Variants in TACC2 observed in about 807,000 individuals in gnomAD.
TACC2 encodes transforming acidic coiled-coil-containing protein 2.
Under a neutral mutation model 227.3 loss-of-function variants are expected in TACC2, and 137 were observed. That is an observed-to-expected ratio of 0.60 (90% confidence interval 0.52 to 0.69). TACC2 has a LOEUF of 0.69. Ranked by LOEUF, TACC2 falls within the 30% of genes least tolerant of loss-of-function variation. The pLI, the probability that TACC2 is intolerant of heterozygous loss-of-function variation, is 0.00. For synonymous variants in TACC2, 1,523 were observed against 1,487.5 expected (o/e 1.02, Z -0.55); for missense variants, 3,470 against 3,694.4 (o/e 0.94, Z 1.57).
Position 122,254,069 on chromosome 10 carries a change from T to A in TACC2, c.*13T>A. On this transcript the variant is annotated 3_prime_UTR_variant, in exon 23 of 23. Coordinates refer to ENST00000369005, the MANE Select transcript of TACC2 (RefSeq NM_206862.4). ...GGGGAAAAGCTAACTCTGAACCGAATGTTTTGGACTTAACTGTTGCGTGCA... is the reference window on the plus strand; with the variant it reads ...GGGGAAAAGCTAACTCTGAACCGAAAGTTTTGGACTTAACTGTTGCGTGCA... 4 of 1,613,172 alleles carry A rather than the reference T, an allele frequency of 2.5e-6. No individual in the cohort carries two copies. The highest frequency in any genetic ancestry group is 2.5e-6 in the Non-Finnish European group (3 of 1,179,048).
chr10:122,232,810 T>C (rs1027262361), intron 16 of TACC2, among the ~76,000 whole-genome samples: 8 of 152,170 alleles, frequency 5.3e-5, no homozygotes, highest in African/African-American at 1.9e-4. Context: ...TCCTGATGCA[T>C]AGGAAGAGAA....
intron 1 of TACC2, among the ~76,000 whole-genome samples, chr10:121,991,574 C>A (rs1953028076): frequency 6.6e-6 from 1 of 152,184 alleles, no homozygotes; most frequent in South Asian, 2.1e-4. Context: ...CATTTCAAAG[C>A]TGAGCAGCTG....
At chr10:122,212,080 T>C (rs1253165444) in intron 9 of TACC2, among the ~76,000 whole-genome samples, 1 of 152,260 alleles carries the variant, frequency 6.6e-6, no homozygotes, top group Non-Finnish European at 1.5e-5. Context: ...GACTGATTGC[T>C]TTTTGGAGAA....
At position 122,224,795 on chromosome 10, in the gene TACC2, C is replaced by T. The variant is rs752093967; in HGVS notation, c.7608+8C>T. The T allele has an allele frequency of 6.0e-5, 97 of 1,613,150 alleles. No individual in the cohort carries two copies. In the Admixed American group the frequency reaches 7.5e-4, roughly 12 times the overall value. On this transcript the variant is annotated splice_region_variant and intron_variant, in intron 12 of 22. Transcript: ENST00000369005. ...ATTGGCTCCTCCTTACCTGTAAGTT[C>T]GTCTGCCTCGGGCCACTTAGGGGAC...
intron 2 of TACC2, among the ~76,000 whole-genome samples, chr10:122,025,737 G>T (rs1415952825): frequency 6.6e-6 from 1 of 150,824 alleles, no homozygotes; most frequent in Non-Finnish European, 1.5e-5. Flanking sequence ...ACCATGCCTG[G>T]CTAATTTTTT....
chr10:122,105,554 G>A (rs1340984377), intron 5 of TACC2, among the ~76,000 whole-genome samples: 1 of 151,956 alleles, frequency 6.6e-6, no homozygotes, highest in African/African-American at 2.4e-5. Context: ...CTGGTGTTTT[G>A]GTTCCGTATT....
intron 7 of TACC2, among the ~76,000 whole-genome samples, chr10:122,156,209 G>C (rs2092461699): frequency 6.7e-6 from 1 of 149,942 alleles, no homozygotes. Context: ...TTTTATTTTA[G>C]ATTTAACAAA....
Position 122,227,912 on chromosome 10 carries a change from C to G in TACC2, c.7800C>G (p.Ala2600=). 1 of 1,614,224 alleles carries G rather than the reference C, an allele frequency of 6.2e-7. No individual in the cohort carries two copies. The highest frequency in any genetic ancestry group is 1.3e-5 in the African/African-American group (1 of 75,056). The change falls in exon 14 of 23, where the codon GCC becomes GCG. Residue 2600 remains alanine (A), a synonymous_variant. Coordinates refer to ENST00000369005, the MANE Select transcript of TACC2 (RefSeq NM_206862.4). The part of the protein sequence containing the change: ...KNQHPVPRGL[A]PNQESHLQVP... ...AGCATCCTGTCCCACGAGGACTGGC[C>G]CCTAACCAAGAGTCACACTTGCAGG...
intron 2 of TACC2, among the ~76,000 whole-genome samples, chr10:122,046,244 G>A (rs1411864899): frequency 6.6e-6 from 1 of 152,072 alleles, no homozygotes; most frequent in African/African-American, 2.4e-5. Flanking sequence ...GGAGGCCGAG[G>A]CGGGTGGATC....
At chr10:122,237,637 T>G in intron 17 of TACC2, 99 bp downstream of exon 17, 1 of 1,426,588 alleles carries the variant, frequency 7.0e-7, no homozygotes, top group Non-Finnish European at 9.5e-7. Flanking sequence ...GACTTTGTCC[T>G]CTGAACGCTG....
At chr10:122,043,578 TCC>T (rs2074617155) in intron 2 of TACC2, among the ~76,000 whole-genome samples, 1 of 11,766 alleles carries the variant, frequency 8.5e-5, no homozygotes, top group South Asian at 3.3e-3. Context: ...CTTTCTTTCT[TCC>T]TTTCTTCCTT....
At chr10:122,014,839 C>T (rs1956375952) in intron 1 of TACC2, among the ~76,000 whole-genome samples, 1 of 152,216 alleles carries the variant, frequency 6.6e-6, no homozygotes, top group Admixed American at 6.5e-5. Context: ...TTCCACTCTC[C>T]TCCCTGATCA....
chr10:122,185,021 C>CTTTTTTTTTTT (rs34148046), intron 7 of TACC2, among the ~76,000 whole-genome samples: 1 of 95,306 alleles, frequency 1.0e-5, no homozygotes, highest in African/African-American at 4.3e-5. Flanking sequence ...GTCACTTATT[C>CTTTTTTTTTTT]TTTTTTTTTT....
At chr10:122,152,425 G>T (rs940658003) in intron 7 of TACC2, among the ~76,000 whole-genome samples, 1 of 152,220 alleles carries the variant, frequency 6.6e-6, no homozygotes, top group Non-Finnish European at 1.5e-5. Flanking sequence ...GGCCAGAGCG[G>T]CTCTGCTCAA....
chr10:122,210,635 G>C lies in TACC2; in HGVS notation c.6210G>C (p.Arg2070Ser), dbSNP rs549215108. 3 of 1,614,018 alleles carry C rather than the reference G, an allele frequency of 1.9e-6. No individual in the cohort carries two copies. The highest frequency in any genetic ancestry group is 2.2e-5 in the South Asian group (2 of 91,060). ...KNQEGKVNTR[R>S]KSTDSVPISK... ...AGGAGGGCAAAGTGAACACACGGAG[G>C]AAGTCCACGGATTCCGTCCCCATCT... Residue 2070 changes from arginine (R) to serine (S), a missense_variant, in exon 9 of 23, where the codon AGG becomes AGC. Arg to Ser is a moderately radical substitution (Grantham distance 110, BLOSUM62 -1). Around this residue, in one of 10 missense-constraint regions of TACC2, gnomAD observed 593 missense variants for 636.6 expected, o/e 0.93. Transcript: ENST00000369005. The surrounding 1 kb of genome is among the most constrained non-coding windows in gnomAD (Gnocchi z 4.6).
Position 122,211,699 on chromosome 10 carries a change from C to T in TACC2, c.7274C>T (p.Pro2425Leu), listed in dbSNP as rs2095296526. The stretch of plus-strand genomic sequence containing the variant: ...AAGCCCGCCAAGAAGAAGAAGACGC[C>T]CCTAAAGACGTAAGTTCAGGGGTGG... ...LNKPAKKKKTPLKTDTFRVKK... is the reference protein window; with the variant it reads ...LNKPAKKKKTLLKTDTFRVKK... Residue 2425 changes from proline to leucine, a missense_variant, in exon 9 of 23, where the codon CCC becomes CTC. Pro to Leu is a moderately conservative substitution (Grantham distance 98). Around this residue, in one of 10 missense-constraint regions of TACC2, gnomAD observed 593 missense variants for 636.6 expected, o/e 0.93. Coordinates refer to ENST00000369005, the MANE Select transcript of TACC2 (RefSeq NM_206862.4). 6.5e-7 allele frequency: 1 copy of T among 1,550,074 alleles called. No individual in the cohort carries two copies. The highest frequency in any genetic ancestry group is 8.7e-7 in the Non-Finnish European group (1 of 1,155,118).
chr10:122,134,869 G>A (rs922142531), intron 6 of TACC2, among the ~76,000 whole-genome samples: 1 of 152,216 alleles, frequency 6.6e-6, no homozygotes, highest in Non-Finnish European at 1.5e-5. Context: ...AGGGTGTAAT[G>A]GGTGCTTCTG....
chr10:122,195,756 C>T (rs559094507), intron 8 of TACC2, among the ~76,000 whole-genome samples: 6 of 152,142 alleles, frequency 3.9e-5, no homozygotes, highest in Non-Finnish European at 8.8e-5. Flanking sequence ...CACCCCACCC[C>T]TGTGGGGCAT....
At position 122,163,759 on chromosome 10, in the gene TACC2, G is replaced by A. The variant is rs576757322; in HGVS notation, c.5834+20053G>A. ...CGGCCCCCGGCTCGGGCCGCGAGTC[G>A]CAGCTCCCTGCCGCCGCTCCCGCCG... On this transcript the variant is annotated intron_variant, in intron 7 of 22. Coordinates refer to ENST00000369005, the MANE Select transcript of TACC2 (RefSeq NM_206862.4). 45 of 1,204,208 alleles carry A rather than the reference G, an allele frequency of 3.7e-5. No homozygotes were observed. In the African/African-American group the frequency reaches 6.7e-4, roughly 18 times the overall value. The allele number at this position is 1,204,208 out of a possible 1,614,324, so 74.6% of individuals were successfully genotyped here. A position where few individuals can be genotyped will look rare whatever the true frequency, so the allele number is the denominator to read the frequency against.
Sources: allele counts gnomAD v4.1 joint callset (sites outside exome capture counted in the v4.1 genomes callset), GRCh38; gene constraint gnomAD v4.1.1; regional missense constraint gnomAD v4.1.1; non-coding constraint Gnocchi (gnomAD v3.1); transcripts MANE v1.5; gene names NCBI Gene and HGNC (gene_info 2026-07-23, HGNC 2026-07-21).